Variants in MACROD2 observed in about 807,000 individuals in gnomAD.
MACROD2 encodes the protein ADP-ribose glycohydrolase MACROD2.
Under a neutral mutation model 70.4 loss-of-function variants are expected in MACROD2, and 36 were observed. The observed-to-expected ratio is 0.51, with a 90% confidence interval of 0.39 to 0.68. The LOEUF is 0.68. Ranked by LOEUF, MACROD2 falls within the 30% of genes least tolerant of loss-of-function variation. The pLI, the probability that MACROD2 is intolerant of heterozygous loss-of-function variation, is 0.00. For missense variants in MACROD2, 496 were observed against 538.4 expected (o/e 0.92, Z 0.78); for synonymous variants, 172 against 178.8 (o/e 0.96, Z 0.30).
intron 6 of MACROD2, among the ~76,000 whole-genome samples, chr20:15,381,267 A>C (rs1568763550): frequency 6.6e-6 from 1 of 151,938 alleles, no homozygotes; most frequent in Non-Finnish European, 1.5e-5. Flanking sequence ...TAGACCCACT[A>C]TCTAGCCAAG....
chr20:14,429,892 T>C (rs896830399), intron 3 of MACROD2, among the ~76,000 whole-genome samples: 1 of 152,202 alleles, frequency 6.6e-6, no homozygotes, highest in East Asian at 1.9e-4. Flanking sequence ...CCTAACAGGA[T>C]TGTGCTCCTG....
chr20:15,234,032 T>TG (rs1395976092), intron 6 of MACROD2, among the ~76,000 whole-genome samples: 19 of 39,444 alleles, frequency 4.8e-4, no homozygotes, highest in African/African-American at 1.8e-3. Flanking sequence ...TTTTTTTTTT[T>TG]TTTTTTTTTT....
chr20:15,453,294 A>T (rs145820569), intron 7 of MACROD2, among the ~76,000 whole-genome samples: 2 of 152,200 alleles, frequency 1.3e-5, no homozygotes, highest in African/African-American at 4.8e-5. Context: ...TCCAGTGCTC[A>T]TTGGATCATG....
intron 4 of MACROD2, chr20:14,547,367 T>G (rs769703831): frequency 1.3e-5 from 3 of 230,284 alleles, no homozygotes; most frequent in Non-Finnish European, 3.0e-5. Context: ...TCCCAGATCT[T>G]TGTTTCTGAT....
intron 8 of MACROD2, among the ~76,000 whole-genome samples, chr20:15,838,815 G>A (rs180808702): frequency 5.7e-4 from 87 of 152,220 alleles, no homozygotes; most frequent in African/African-American, 2.0e-3. Flanking sequence ...ATGGACTAAT[G>A]CAACTGTAAG....
intron 5 of MACROD2, among the ~76,000 whole-genome samples, chr20:14,796,122 T>C (rs561424111): frequency 6.6e-6 from 1 of 152,210 alleles, no homozygotes; most frequent in South Asian, 2.1e-4. Flanking sequence ...TTTTGTCAAG[T>C]CTGAGGAAGA....
chr20:14,671,617 T>G (rs888344324), intron 4 of MACROD2, among the ~76,000 whole-genome samples: 2 of 152,328 alleles, frequency 1.3e-5, no homozygotes, highest in African/African-American at 2.4e-5. Context: ...AACTAAAAAC[T>G]GCTCCAGTTT....
intron 5 of MACROD2, among the ~76,000 whole-genome samples, chr20:14,761,099 C>T (rs2072009471): frequency 6.6e-6 from 1 of 152,026 alleles, no homozygotes; most frequent in South Asian, 2.1e-4. Context: ...TCTTAGATGC[C>T]TCCTCCTTAT....
intron 3 of MACROD2, among the ~76,000 whole-genome samples, chr20:14,182,739 T>C (rs1027630354): frequency 6.6e-6 from 1 of 152,058 alleles, no homozygotes; most frequent in African/African-American, 2.4e-5. Context: ...ACTTACAGTT[T>C]GGGAGCTTTT....
intron 5 of MACROD2, among the ~76,000 whole-genome samples, chr20:14,908,470 C>T (rs182313783): frequency 7.2e-5 from 11 of 152,288 alleles, no homozygotes; most frequent in East Asian, 3.9e-4. Context: ...GCCTGGCCAA[C>T]GTGACAATTC....
At chr20:14,071,858 CCAGGAG>C (rs2053848053) in intron 2 of MACROD2, among the ~76,000 whole-genome samples, 1 of 151,898 alleles carries the variant, frequency 6.6e-6, no homozygotes, top group African/African-American at 2.4e-5. Flanking sequence ...TTGCTTGAGG[CCAGGAG>C]TTCAAGACCA....
At position 14,435,551 on chromosome 20, in the gene MACROD2, C is replaced by T. The variant is rs945081326; in HGVS notation, c.272-57928C>T. ...ACCACTAATTAATTTTTTAATTCAA[C>T]AGATAGTTATTGAGTACCCCTTATG... On this transcript the variant is annotated intron_variant, in intron 3 of 17. Coordinates refer to ENST00000684519, the MANE Select transcript of MACROD2 (RefSeq NM_001351661.2). 3.3e-5 allele frequency among the ~76,000 whole-genome samples: 5 copies of T among 152,214 alleles called. No homozygotes were observed. In the East Asian group the frequency reaches 9.7e-4, roughly 29 times the overall value.
At chr20:15,659,672 T>A (rs529656769) in intron 8 of MACROD2, among the ~76,000 whole-genome samples, 1 of 152,244 alleles carries the variant, frequency 6.6e-6, no homozygotes, top group South Asian at 2.1e-4. Context: ...GTCCATTTTG[T>A]GTTGCTACAA....
At chr20:14,321,258 G>A (rs924232166) in intron 3 of MACROD2, among the ~76,000 whole-genome samples, 18 of 152,018 alleles carry the variant, frequency 1.2e-4, no homozygotes, top group Non-Finnish European at 2.2e-4. Flanking sequence ...CCAGCTACTC[G>A]GGAGGCTGAG....
At chr20:15,539,532 A>G (rs1017990587) in intron 8 of MACROD2, among the ~76,000 whole-genome samples, 1 of 152,232 alleles carries the variant, frequency 6.6e-6, no homozygotes, top group African/African-American at 2.4e-5. Context: ...TCAATACTGA[A>G]GTAGAATTCA....
intron 2 of MACROD2, among the ~76,000 whole-genome samples, chr20:14,056,918 ATTGT>A (rs1321945196): frequency 1.3e-5 from 2 of 151,152 alleles, no homozygotes; most frequent in African/African-American, 4.9e-5. Flanking sequence ...CATTTTTCTC[ATTGT>A]TTTTTAACGT....
chr20:15,521,934 C>T (rs1403726522), intron 8 of MACROD2, among the ~76,000 whole-genome samples: 1 of 152,224 alleles, frequency 6.6e-6, no homozygotes, highest in Non-Finnish European at 1.5e-5. Context: ...GCGTTGTCTT[C>T]AGGCCACAGG....
At chr20:15,154,960 A>G (rs945916529) in intron 5 of MACROD2, among the ~76,000 whole-genome samples, 1 of 152,222 alleles carries the variant, frequency 6.6e-6, no homozygotes, top group Non-Finnish European at 1.5e-5. Flanking sequence ...ATCTGTAGCC[A>G]GACTCCCTAG....
At chr20:15,082,178 A>T (rs1455928488) in intron 5 of MACROD2, among the ~76,000 whole-genome samples, 8 of 152,212 alleles carry the variant, frequency 5.3e-5, no homozygotes, top group Non-Finnish European at 1.2e-4. Context: ...ACAAGTCCTT[A>T]CTAATTTATC....
Sources: allele counts gnomAD v4.1 joint callset (sites outside exome capture counted in the v4.1 genomes callset), GRCh38; gene constraint gnomAD v4.1.1; transcripts MANE v1.5; gene names NCBI Gene and HGNC (gene_info 2026-07-23, HGNC 2026-07-21).